Variants in KCNB2 observed in about 807,000 individuals in gnomAD.
The protein encoded by KCNB2 is potassium voltage-gated channel subfamily B member 2, also known as delayed rectifier potassium channel protein.
KCNB2 carries 15 observed loss-of-function variants against 61.5 expected under a neutral mutation model. That is an observed-to-expected ratio of 0.24 (90% CI 0.16 to 0.38). KCNB2 has a LOEUF of 0.38. Ranked by LOEUF, KCNB2 falls within the 10% of genes least tolerant of loss-of-function variation. KCNB2 has a pLI of 1.00. For missense variants in KCNB2, 828 were observed against 1,125.2 expected (o/e 0.74, Z 3.78); for synonymous variants, 457 against 446.0 (o/e 1.02, Z -0.31).
rs543066177 is a variant in KCNB2 at position 72,805,195 on chromosome 8, G to A, written c.580-130740G>A. On this transcript the variant is annotated intron_variant, in intron 2 of 2. Coordinates refer to ENST00000523207, the MANE Select transcript of KCNB2 (RefSeq NM_004770.3). ...CTGTTATCATTGCCATTAATATTAA[G>A]ATCAGTAGCCAAACACTTTACAATA... Among the ~76,000 whole-genome samples, 55 of 152,228 alleles carry A rather than the reference G, an allele frequency of 3.6e-4. No individual in the cohort carries two copies. The Middle Eastern group carries it at 0.01, about 28-fold the overall frequency.
chr8:72,864,827 C>T (rs1053420859), intron 2 of KCNB2, among the ~76,000 whole-genome samples: 10 of 152,178 alleles, frequency 6.6e-5, no homozygotes, highest in Non-Finnish European at 1.0e-4. Context: ...GAATTGCTGC[C>T]GGCCAGGCTC....
chr8:72,721,290 G>T (rs1324394143), intron 2 of KCNB2, among the ~76,000 whole-genome samples: 2 of 152,208 alleles, frequency 1.3e-5, no homozygotes, highest in African/African-American at 2.4e-5. Context: ...TCATCCGGGG[G>T]TTGCTGTCTT....
At chr8:72,576,033 A>G (rs182436435) in intron 2 of KCNB2, among the ~76,000 whole-genome samples, 4 of 152,368 alleles carry the variant, frequency 2.6e-5, no homozygotes, top group Non-Finnish European at 5.9e-5. Flanking sequence ...CGGATAAAGG[A>G]AGGTGTTTTC....
chr8:72,806,368 AAAAAAG>A (rs1809222283), intron 2 of KCNB2, among the ~76,000 whole-genome samples: 1 of 151,598 alleles, frequency 6.6e-6, no homozygotes, highest in Non-Finnish European at 1.5e-5. Context: ...AAAAAAAAAA[AAAAAAG>A]AATAATTTGG....
intron 2 of KCNB2, among the ~76,000 whole-genome samples, chr8:72,719,059 C>T: frequency 6.6e-6 from 1 of 151,820 alleles, no homozygotes; most frequent in East Asian, 1.9e-4. Flanking sequence ...TGAAGAGAGG[C>T]AACAGTGTTT....
intron 2 of KCNB2, among the ~76,000 whole-genome samples, chr8:72,730,702 T>A (rs1444672169): frequency 1.3e-5 from 2 of 152,198 alleles, no homozygotes; most frequent in Non-Finnish European, 2.9e-5. Context: ...ATCATCTAAG[T>A]AAAATATAGT....
At chr8:72,771,044 G>A (rs965261846) in intron 2 of KCNB2, among the ~76,000 whole-genome samples, 1 of 152,164 alleles carries the variant, frequency 6.6e-6, no homozygotes, top group African/African-American at 2.4e-5. Context: ...AAAGCTCCCA[G>A]CTATTGGCTA....
At chr8:72,929,148 C>T (rs1806719389) in intron 2 of KCNB2, among the ~76,000 whole-genome samples, 1 of 152,236 alleles carries the variant, frequency 6.6e-6, no homozygotes, top group South Asian at 2.1e-4. Flanking sequence ...ACAGAGGGAC[C>T]GGGCTTGTGC....
intron 2 of KCNB2, among the ~76,000 whole-genome samples, chr8:72,889,835 A>C (rs896915109): frequency 3.3e-5 from 5 of 152,200 alleles, no homozygotes; most frequent in African/African-American, 1.2e-4. Context: ...GGCTCATTGC[A>C]ACCTCCATCT....
At chr8:72,843,120 A>G (rs1208289121) in intron 2 of KCNB2, among the ~76,000 whole-genome samples, 3 of 152,098 alleles carry the variant, frequency 2.0e-5, no homozygotes, top group Admixed American at 6.5e-5. Context: ...TGTCCCAGAG[A>G]TTCCAGTACA....
At chr8:72,620,759 C>T (rs934326792) in intron 2 of KCNB2, among the ~76,000 whole-genome samples, 7 of 152,128 alleles carry the variant, frequency 4.6e-5, no homozygotes, top group African/African-American at 1.7e-4. Flanking sequence ...CAGGTGCCTG[C>T]TACCACACCT....
At chr8:72,614,492 A>G (rs1805588406) in intron 2 of KCNB2, among the ~76,000 whole-genome samples, 1 of 152,200 alleles carries the variant, frequency 6.6e-6, no homozygotes, top group Admixed American at 6.5e-5. Context: ...ACCTGAGCAT[A>G]TTGTTCTTAC....
intron 2 of KCNB2, among the ~76,000 whole-genome samples, chr8:72,873,739 G>T (rs1361152420): frequency 6.6e-6 from 1 of 152,258 alleles, no homozygotes; most frequent in East Asian, 1.9e-4. Context: ...CCTACACAAT[G>T]TAGTGGGCAT....
intron 2 of KCNB2, among the ~76,000 whole-genome samples, chr8:72,852,078 T>A (rs13269422): frequency 6.6e-6 from 1 of 151,322 alleles, no homozygotes; most frequent in Non-Finnish European, 1.5e-5. Context: ...CTAAAAAAAT[T>A]TAAAAAATAA....
chr8:72,774,624 C>T (rs1185169920), intron 2 of KCNB2, among the ~76,000 whole-genome samples: 3 of 152,128 alleles, frequency 2.0e-5, no homozygotes, highest in African/African-American at 7.2e-5. Flanking sequence ...GCTGGGATTA[C>T]AGGCATGAAC....
At chr8:72,694,033 G>T (rs138976145) in intron 2 of KCNB2, among the ~76,000 whole-genome samples, 33 of 152,226 alleles carry the variant, frequency 2.2e-4, no homozygotes, top group South Asian at 6.2e-4. Flanking sequence ...AAAGAAAATA[G>T]AAAATCGATA....
At chr8:72,859,808 C>A (rs1307153260) in intron 2 of KCNB2, among the ~76,000 whole-genome samples, 1 of 150,250 alleles carries the variant, frequency 6.7e-6, no homozygotes, top group Non-Finnish European at 1.5e-5. Context: ...CAACCTCCGC[C>A]CCCTGGGTTC....
chr8:72,938,009 T>G lies in KCNB2; in HGVS notation c.2654T>G (p.Met885Arg). ...GACAGTAGTCAAGAAGGGTGCAAGATGGAAAATCACTTGTTTGCCCCAGAA... is the reference window on the plus strand; with the variant it reads ...GACAGTAGTCAAGAAGGGTGCAAGAGGGAAAATCACTTGTTTGCCCCAGAA... ...KKDSSQEGCKMENHLFAPEIH... is the reference protein window; with the variant it reads ...KKDSSQEGCKRENHLFAPEIH... The change falls in exon 3 of 3, where the codon ATG becomes AGG. Residue 885 changes from methionine (M) to arginine (R), a missense_variant. By Grantham distance (91) the Met-to-Arg change is moderately conservative. Coordinates refer to ENST00000523207, the MANE Select transcript of KCNB2 (RefSeq NM_004770.3). 14 of 1,614,114 alleles carry G rather than the reference T, an allele frequency of 8.7e-6. No individual in the cohort carries two copies. The highest frequency in any genetic ancestry group is 1.2e-5 in the Non-Finnish European group (14 of 1,179,998).
At chr8:72,793,422 C>T (rs1379719017) in intron 2 of KCNB2, among the ~76,000 whole-genome samples, 2 of 152,122 alleles carry the variant, frequency 1.3e-5, no homozygotes, top group African/African-American at 2.4e-5. Flanking sequence ...CTAAGGAGAA[C>T]ACATTTGGAG....
Sources: gnomAD v4.1 joint callset for allele counts (sites outside exome capture counted in the v4.1 genomes callset) on GRCh38, gnomAD v4.1.1 for gene constraint, MANE v1.5 for transcripts, NCBI Gene and HGNC (gene_info 2026-07-23, HGNC 2026-07-21) for gene names.